The following GLRA2 variants were observed in gnomAD, a reference collection of about 807,000 sequenced individuals.
The protein encoded by GLRA2 is glycine receptor alpha 2, also known as glycine receptor subunit alpha-2.
In GLRA2, 11 loss-of-function variants were observed where a neutral mutation model predicts 31.6. The observed-to-expected ratio is 0.35, with a 90% CI of 0.22 to 0.58. GLRA2 has a LOEUF of 0.58. Among genes scored for constraint, GLRA2 ranks in the 20% least tolerant of loss-of-function variants. The pLI is 0.84. For missense variants in GLRA2, 212 were observed against 351.8 expected (o/e 0.60, Z 3.18); for synonymous variants, 132 against 134.0 (o/e 0.99, Z 0.10).
intron 8 of GLRA2, among the ~76,000 whole-genome samples, chrX:14,716,111 G>A (rs940447173): frequency 1.8e-5 from 2 of 111,127 alleles, no homozygotes; most frequent in African/African-American, 6.5e-5. Context: ...GGGGTTGAAA[G>A]AAGACAATAA....
the GLRA2 span, among the ~76,000 whole-genome samples, chrX:14,478,765 G>C: frequency 8.9e-6 from 1 of 111,892 alleles, no homozygotes; most frequent in Non-Finnish European, 1.9e-5. Context: ...TTTTCTTCCT[G>C]TTATAGCCTC....
At chrX:14,659,390 A>G (rs1047625251) in intron 7 of GLRA2, among the ~76,000 whole-genome samples, 1 of 112,413 alleles carries the variant, frequency 8.9e-6, no homozygotes, top group Non-Finnish European at 1.9e-5. Flanking sequence ...TTACCATACT[A>G]TATTTACCAA....
At chrX:14,467,622 T>C in the GLRA2 span, among the ~76,000 whole-genome samples, 808 of 111,623 alleles carry the variant, frequency 7.2e-3, 4 homozygotes, top group African/African-American at 0.025. Flanking sequence ...ACATTCCAAG[T>C]TAAAGGTAAG....
At chrX:14,604,954 T>C (rs917151429) in intron 5 of GLRA2, among the ~76,000 whole-genome samples, 1 of 110,528 alleles carries the variant, frequency 9.0e-6, no homozygotes, top group Non-Finnish European at 1.9e-5. Context: ...GCATTTCTCT[T>C]AGATAAGCAG....
the GLRA2 span, among the ~76,000 whole-genome samples, chrX:14,468,290 C>G: frequency 8.9e-6 from 1 of 112,163 alleles, no homozygotes; most frequent in Non-Finnish European, 1.9e-5. Context: ...CTTTAGAGGA[C>G]TGCTCTAGAT....
chrX:14,621,289 T>C (rs1294879252), intron 7 of GLRA2, among the ~76,000 whole-genome samples: 1 of 111,376 alleles, frequency 9.0e-6, no homozygotes, highest in Non-Finnish European at 1.9e-5. Flanking sequence ...TACCACAAAT[T>C]AAACCAAACT....
At chrX:14,596,634 G>A (rs769963409) in intron 4 of GLRA2, among the ~76,000 whole-genome samples, 1 of 105,519 alleles carries the variant, frequency 9.5e-6, no homozygotes, top group Non-Finnish European at 2.0e-5. Context: ...GTGACAGAGC[G>A]AGACTCTGTC....
rs2091991489 is a variant in GLRA2, at chrX:14,731,339, T to G, written c.*854T>G. On this transcript the variant is annotated 3_prime_UTR_variant, in exon 9 of 9. Transcript: ENST00000218075. Reference sequence around the variant, plus strand: ...CCAAGTTAGTGCATTATATATATATTTTTGCTTTGGCTATATTTACACGTG... The same window carrying G: ...CCAAGTTAGTGCATTATATATATATGTTTGCTTTGGCTATATTTACACGTG... 8.9e-6 allele frequency: 1 copy of G among 112,093 alleles called. No homozygotes were observed. Among genetic ancestry groups the G allele is most frequent in the South Asian group, 3.8e-4 (1 of 2,665 alleles). 9.2% of individuals were successfully genotyped at this position (112,093 alleles called of 1,213,427 possible).
At chrX:14,527,588 C>T (rs2089193957), upstream of GLRA2, among the ~76,000 whole-genome samples, 1 of 107,639 alleles carries the variant, frequency 9.3e-6, no homozygotes, top group Non-Finnish European at 1.9e-5. Flanking sequence ...GCACTCCAGC[C>T]CGGTGACAGA....
intron 4 of GLRA2, among the ~76,000 whole-genome samples, chrX:14,596,247 T>C (rs1274918374): frequency 9.0e-6 from 1 of 111,644 alleles, no homozygotes; most frequent in Non-Finnish European, 1.9e-5. Context: ...GTTCACTGCC[T>C]ACTTTTGGCC....
intron 4 of GLRA2, among the ~76,000 whole-genome samples, chrX:14,599,351 A>C (rs2090242679): frequency 8.9e-6 from 1 of 112,470 alleles, no homozygotes; most frequent in Admixed American, 9.4e-5. Context: ...CATGCTGGTC[A>C]ATGTCTGCCA....
intron 2 of GLRA2, among the ~76,000 whole-genome samples, chrX:14,536,392 T>A (rs1428240219): frequency 8.9e-6 from 1 of 111,757 alleles, no homozygotes; most frequent in African/African-American, 3.2e-5. Flanking sequence ...TTTAAGTTAG[T>A]GACAATGCAA....
At chrX:14,700,821 T>A (rs2091530349) in intron 8 of GLRA2, among the ~76,000 whole-genome samples, 2 of 110,356 alleles carry the variant, frequency 1.8e-5, no homozygotes, top group Non-Finnish European at 1.9e-5. Flanking sequence ...GTGTTTTTTT[T>A]AATGAGCAAC....
Position 14,672,250 on chromosome X carries a change from G to A in GLRA2, c.931-18460G>A, listed in dbSNP as rs191715709. On this transcript the variant is annotated intron_variant, in intron 7 of 8. Transcript: ENST00000218075. ...AGATAGTCATACTGGATTGATTTCC[G>A]CCAAGGGGCTGAGATTGATCTAAAC... is the stretch of plus-strand genomic sequence containing the variant. Among the ~76,000 whole-genome samples the A allele has an allele frequency of 2.9e-4, 32 of 112,132 alleles. No individual in the cohort carries two copies. In the East Asian group the frequency reaches 5.9e-3, roughly 21 times the overall value.
At chrX:14,670,500 C>T (rs1601816811) in intron 7 of GLRA2, among the ~76,000 whole-genome samples, 1 of 111,982 alleles carries the variant, frequency 8.9e-6, no homozygotes, top group Admixed American at 9.5e-5. Context: ...TATAGTCCCA[C>T]GTGGCTGGGG....
At chrX:14,557,146 C>T (rs571617675) in intron 2 of GLRA2, among the ~76,000 whole-genome samples, 18 of 74,716 alleles carry the variant, frequency 2.4e-4, no homozygotes, top group African/African-American at 5.6e-4. Context: ...GACGGAGTCT[C>T]GCTCTGTCGC....
At chrX:14,674,892 A>C (rs972138326) in intron 7 of GLRA2, among the ~76,000 whole-genome samples, 1 of 110,657 alleles carries the variant, frequency 9.0e-6, no homozygotes, top group Non-Finnish European at 1.9e-5. Context: ...GAGATCACCC[A>C]ATTGGGTCTT....
At chrX:14,492,400 T>C in the GLRA2 span, among the ~76,000 whole-genome samples, 4 of 111,528 alleles carry the variant, frequency 3.6e-5, no homozygotes, top group East Asian at 1.1e-3. Flanking sequence ...AACTTCTGGC[T>C]GACATGAAAT....
intron 4 of GLRA2, among the ~76,000 whole-genome samples, chrX:14,595,821 G>C (rs2090195730): frequency 8.9e-6 from 1 of 111,946 alleles, no homozygotes; most frequent in Non-Finnish European, 1.9e-5. Flanking sequence ...CTAAGTGGGA[G>C]AGTTGGAAAC....
Sources: gnomAD v4.1 joint callset for allele counts (sites outside exome capture counted in the v4.1 genomes callset) on GRCh38, gnomAD v4.1.1 for gene constraint, MANE v1.5 for transcripts, NCBI Gene and HGNC (gene_info 2026-07-23, HGNC 2026-07-21) for gene names.